GP2: variants seen among roughly 807,000 people sequenced by gnomAD.
GP2 encodes glycoprotein 2, also known as pancreatic secretory granule membrane major glycoprotein GP2.
In GP2, 58 loss-of-function variants were observed where a neutral mutation model predicts 60.8. The observed-to-expected ratio is 0.95, with a 90% CI of 0.77 to 1.19. The LOEUF is 1.19. GP2 is among the 50% of genes most tolerant of loss of function. The probability of loss-of-function intolerance (pLI) is 0.00; values close to 1 mark genes in which losing one functional copy is unlikely to be tolerated. For synonymous variants in GP2, 280 were observed against 253.4 expected, an observed-to-expected ratio of 1.10 and a Z score of -1.00; for missense variants, 647 against 667.4, an observed-to-expected ratio of 0.97 and a Z score of 0.34.
Position 20,317,324 on chromosome 16 carries a change from G to A in GP2, c.1305C>T (p.Ser435=), listed in dbSNP as rs747350455. 1.2e-6 allele frequency: 2 copies of A among 1,613,678 alleles called. No individual in the cohort carries two copies. Among genetic ancestry groups the A allele is most frequent in the South Asian group, 2.2e-5 (2 of 91,056 alleles). ...TCTGAACTGAGAACCGGCTTTCCGA[G>A]GACTGCCCATTCTCCTCCACGTGGA... ...STIHVEENGQ[S]SESRFSVQMF... The change falls in exon 8 of 11, where the codon TCC becomes TCT. Residue 435 remains serine (S), a synonymous_variant. Transcript: ENST00000302555.
intron 8 of GP2, among the ~76,000 whole-genome samples, chr16:20,316,683 T>C (rs936937286): frequency 1.3e-5 from 2 of 152,192 alleles, no homozygotes; most frequent in Non-Finnish European, 2.9e-5. Context: ...GACAGATTTC[T>C]TTATCAAATC....
Position 20,323,881 on chromosome 16 carries a change from C to A in GP2, c.470G>T (p.Cys157Phe). ...CCGGTACACATGGTACCCGCCTGGG[C>A]AGGCCTTCACCAGCACCTCTGTTTT... ...FWKTEVLVKA[C>F]PGGYHVYRLE... Residue 157 changes from cysteine (C) to phenylalanine (F), a missense_variant, in exon 3 of 11, where the codon TGC becomes TTC. By Grantham distance (205) the Cys-to-Phe change is radical. Transcript: ENST00000302555. The A allele has an allele frequency of 6.2e-7, 1 of 1,614,086 alleles. No individual in the cohort carries two copies. The highest frequency in any genetic ancestry group is 1.3e-5 in the African/African-American group (1 of 75,046).
chr16:20,326,181 A>G, intron 2 of GP2, 157 bp downstream of exon 2: 1 of 625,126 alleles, frequency 1.6e-6, no homozygotes, highest in Non-Finnish European at 2.8e-6. Context: ...CTTGATTTCC[A>G]TTGTTTCTCA....
chr16:20,327,328 G>C, intron 1 of GP2, 139 bp downstream of exon 1: 3 of 430,410 alleles, frequency 7.0e-6, no homozygotes, highest in South Asian at 4.1e-5. Context: ...GTGGTACCTG[G>C]AGCACTTGAC....
rs1287413573 is a variant in GP2 at position 20,309,818 on chromosome 16, A to G, written c.*1405T>C. The G allele has an allele frequency of 2.0e-5, 3 of 152,102 alleles. No individual in the cohort carries two copies. In the East Asian group the frequency reaches 5.8e-4, roughly 29 times the overall value. The allele number at this position is 152,102 out of a possible 1,614,324, so 9.4% of individuals were successfully genotyped here. ...AACTTTGTGCTCTTATGTCCTTATAATTAACTCCCTTTTTGCCTGAGAAAT... is the reference window on the plus strand; with the variant it reads ...AACTTTGTGCTCTTATGTCCTTATAGTTAACTCCCTTTTTGCCTGAGAAAT... On this transcript the variant is annotated 3_prime_UTR_variant, in exon 11 of 11. Transcript: ENST00000302555.
chr16:20,324,857 A>G (rs1159372597), intron 2 of GP2, among the ~76,000 whole-genome samples: 1 of 152,224 alleles, frequency 6.6e-6, no homozygotes, highest in Non-Finnish European at 1.5e-5. Context: ...CAACCTTGGC[A>G]CTATTGACAT....
In GP2 at chr16:20,322,999, G is replaced by C; in HGVS notation, c.536-20C>G. On this transcript the variant is annotated intron_variant, in intron 3 of 10. Transcript: ENST00000302555. ...ATGGGTCTAGGTGATGGGGCATGGA[G>C]AGAGAAGATCAGGATGCAGTGCGGG... The C allele has an allele frequency of 7.1e-7, 1 of 1,411,210 alleles. No homozygotes were observed. The allele number at this position is 1,411,210 out of a possible 1,614,324, so 87.4% of individuals were successfully genotyped here.
intron 10 of GP2, among the ~76,000 whole-genome samples, chr16:20,313,310 T>C (rs865938328): frequency 7.2e-5 from 11 of 152,116 alleles, no homozygotes; most frequent in Admixed American, 1.3e-4. Flanking sequence ...ATATTTCTTT[T>C]ATTAGTTAGC....
chr16:20,323,468 G>A, intron 3 of GP2: 1 of 696,460 alleles, frequency 1.4e-6, no homozygotes. Context: ...TTATGTATTA[G>A]CTGTTATTTT....
chr16:20,321,952 C>T (rs970410862), intron 4 of GP2, among the ~76,000 whole-genome samples: 1 of 152,094 alleles, frequency 6.6e-6, no homozygotes, highest in African/African-American at 2.4e-5. Flanking sequence ...TGTGATGGGC[C>T]CAAACCCCAG....
chr16:20,323,001 G>A, intron 3 of GP2, 22 bp from the exon 4 acceptor site: 4 of 1,383,124 alleles, frequency 2.9e-6, no homozygotes, highest in Non-Finnish European at 4.1e-6. Context: ...GGCATGGAGA[G>A]AGAAGATCAG....
chr16:20,316,125 CCAAGA>C, intron 8 of GP2, 85 bp from the exon 9 acceptor site: 1 of 830,844 alleles, frequency 1.2e-6, no homozygotes, highest in South Asian at 1.4e-5. Context: ...CAGCTCTGGA[CCAAGA>C]ACTGTGTCCA....
At position 20,324,033 on chromosome 16, in the gene GP2, G is replaced by C; in HGVS notation, c.318C>G (p.Thr106=). The C allele has an allele frequency of 3.1e-6, 5 of 1,614,004 alleles. No individual in the cohort carries two copies. The highest frequency in any genetic ancestry group is 4.2e-6 in the Non-Finnish European group (5 of 1,179,820). ...TCTGGCATCGGTGCACCTGGACACA[G>C]GTCTCCGACATCCTTACTCCTCCTT... ...VGEGGVRMSE[T]CVQVHRCQTD... is the part of the protein sequence containing the mutation. Residue 106 remains threonine (T), a synonymous_variant, in exon 3 of 11, where the codon ACC becomes ACG. Coordinates refer to ENST00000302555, the MANE Select transcript of GP2 (RefSeq NM_001502.4).
intron 2 of GP2, among the ~76,000 whole-genome samples, chr16:20,324,761 A>T (rs1964484409): frequency 6.6e-6 from 1 of 152,230 alleles, no homozygotes; most frequent in Non-Finnish European, 1.5e-5. Context: ...AATTCTGTGC[A>T]ACATCTTTTT....
intron 4 of GP2, among the ~76,000 whole-genome samples, chr16:20,320,886 G>A (rs1055965832): frequency 6.6e-6 from 1 of 152,026 alleles, no homozygotes; most frequent in Admixed American, 6.5e-5. Flanking sequence ...CCAGGCACTG[G>A]GGCTACAACA....
In GP2 at chr16:20,314,651, A is replaced by T. The variant is rs1020066336; in HGVS notation, c.1546+6T>A. 35 of 1,578,056 alleles carry T rather than the reference A, an allele frequency of 2.2e-5. No homozygotes were observed. The highest frequency in any genetic ancestry group is 3.1e-5 in the Non-Finnish European group (35 of 1,147,042). On this transcript the variant is annotated splice_donor_region_variant and intron_variant, in intron 10 of 10. Coordinates refer to ENST00000302555, the MANE Select transcript of GP2 (RefSeq NM_001502.4). The stretch of plus-strand genomic sequence containing the variant: ...GCTGTGGGAAAGGCATGAGAAAATG[A>T]TGTACCTGCAGTGCTAGGGGTTCCA...
At chr16:20,321,377 G>A (rs1257031293) in intron 4 of GP2, among the ~76,000 whole-genome samples, 2 of 152,194 alleles carry the variant, frequency 1.3e-5, no homozygotes, top group East Asian at 3.8e-4. Flanking sequence ...TCAAATGCTA[G>A]GTGCATTCAA....
At chr16:20,315,393 T>C (rs1015458085) in intron 9 of GP2, among the ~76,000 whole-genome samples, 28 of 152,186 alleles carry the variant, frequency 1.8e-4, no homozygotes, top group African/African-American at 6.3e-4. Context: ...TGTAAACCCA[T>C]GAGTAGGATG....
chr16:20,319,758 G>A lies in GP2; in HGVS notation c.869C>T (p.Thr290Ile), dbSNP rs777560325. The change falls in exon 6 of 11, where the codon ACC (threonine) becomes ATC (isoleucine). Residue 290 changes from threonine to isoleucine, a missense_variant. Transcript: ENST00000302555. Reference protein sequence around the residue: ...ACRNILERNQTHAIYKNTLSL... With the variant: ...ACRNILERNQIHAIYKNTLSL... ...GAGGGTGTTTTTGTAGATGGCATGG[G>A]TTTGATTTCTCTTTGGCAAAAAAAC... is the stretch of plus-strand genomic sequence containing the variant. The A allele has an allele frequency of 1.2e-6, 2 of 1,612,850 alleles. No homozygotes were observed. Among genetic ancestry groups the A allele is most frequent in the Non-Finnish European group, 1.7e-6 (2 of 1,178,864 alleles).
Sources: gnomAD v4.1 joint callset for allele counts (sites outside exome capture counted in the v4.1 genomes callset) on GRCh38, gnomAD v4.1.1 for gene constraint, MANE v1.5 for transcripts, NCBI Gene and HGNC (gene_info 2026-07-23, HGNC 2026-07-21) for gene names.